The following MYPN variants were observed in gnomAD, a reference collection of about 807,000 sequenced individuals.
MYPN encodes the protein sarcomeric protein myopalladin, 145 kDa (MYOP).
In MYPN, 63 loss-of-function variants were observed where a neutral mutation model predicts 129.4. The ratio of observed to expected loss-of-function variants is 0.49; its 90% CI spans 0.40 to 0.60. MYPN has a LOEUF of 0.60. Among genes scored for constraint, MYPN ranks in the 20% least tolerant of loss-of-function variants. The pLI, the probability that MYPN is intolerant of heterozygous loss-of-function variation, is 0.00. For missense variants in MYPN, 1,596 were observed against 1,635.4 expected (o/e 0.98, Z 0.42); for synonymous variants, 629 against 600.9 (o/e 1.05, Z -0.68).
chr10:68,210,481 G>C lies in MYPN; in HGVS notation c.*26G>C. The stretch of plus-strand genomic sequence containing the variant: ...GAATGTCTAGGTACCTGCTGTGTAA[G>C]AGAGCGGACTGTGGAGGGGGAATGA... On this transcript the variant is annotated 3_prime_UTR_variant, in exon 20 of 20. Transcript: ENST00000358913. The C allele has an allele frequency of 6.2e-7, 1 of 1,613,354 alleles. No individual in the cohort carries two copies. The highest frequency in any genetic ancestry group is 8.5e-7 in the Non-Finnish European group (1 of 1,179,840).
At chr10:68,174,720 G>A in intron 11 of MYPN, 64 bp downstream of exon 11, 2 of 1,442,768 alleles carry the variant, frequency 1.4e-6, no homozygotes, top group East Asian at 4.6e-5. Context: ...ACATTGAATA[G>A]CTTGATCTGA....
At chr10:68,194,816 A>C (rs2043577611) in intron 14 of MYPN, among the ~76,000 whole-genome samples, 1 of 152,226 alleles carries the variant, frequency 6.6e-6, no homozygotes, top group African/African-American at 2.4e-5. Flanking sequence ...TTGAAGAGTC[A>C]ATAAATCATT....
chr10:68,143,970 T>C (rs573048030), intron 3 of MYPN, among the ~76,000 whole-genome samples: 3 of 152,062 alleles, frequency 2.0e-5, no homozygotes, highest in Non-Finnish European at 1.5e-5. Flanking sequence ...GGCCAGGCTG[T>C]TCTTGGACTC....
At chr10:68,148,779 C>G (rs2042714910) in intron 5 of MYPN, among the ~76,000 whole-genome samples, 1 of 152,168 alleles carries the variant, frequency 6.6e-6, no homozygotes, top group African/African-American at 2.4e-5. Flanking sequence ...AACAAACACT[C>G]TATATCATAA....
At chr10:68,166,691 C>T in intron 10 of MYPN, 25 bp downstream of exon 10, 1 of 1,613,174 alleles carries the variant, frequency 6.2e-7, no homozygotes, top group South Asian at 1.1e-5. Context: ...GGATGAATAA[C>T]CAGGAGCTTC....
At chr10:68,148,553 GT>G (rs2042710279) in intron 5 of MYPN, 86 bp downstream of exon 5, 2 of 1,084,314 alleles carry the variant, frequency 1.8e-6, no homozygotes, top group African/African-American at 1.6e-5. Context: ...GCATGATCGT[GT>G]TTTTCTCAGG....
chr10:68,145,870 T>C (rs1387340542), intron 4 of MYPN, among the ~76,000 whole-genome samples: 5 of 152,210 alleles, frequency 3.3e-5, no homozygotes, highest in Non-Finnish European at 7.3e-5. Flanking sequence ...AGTAAATGAC[T>C]CCTCTTTTAC....
chr10:68,200,671 T>C (rs2043694293), intron 17 of MYPN, among the ~76,000 whole-genome samples: 1 of 151,750 alleles, frequency 6.6e-6, no homozygotes, highest in African/African-American at 2.4e-5. Flanking sequence ...GGCAGGAGAA[T>C]CGCTTGAACC....
Position 68,175,181 on chromosome 10 carries a change from C to G in MYPN, c.2565-142C>G, listed in dbSNP as rs954066274. 6 of 906,362 alleles carry G rather than the reference C, an allele frequency of 6.6e-6. No individual in the cohort carries two copies. In the African/African-American group the frequency reaches 1.0e-4, roughly 15 times the overall value. 56.1% of individuals were successfully genotyped at this position (906,362 alleles called of 1,614,324 possible). A position where few individuals can be genotyped will look rare whatever the true frequency, so the allele number is the denominator to read the frequency against. On this transcript the variant is annotated intron_variant, in intron 11 of 19. Coordinates refer to ENST00000358913, the MANE Select transcript of MYPN (RefSeq NM_032578.4). ...GTATCAAAAAGACCTTTACAAATAC[C>G]GATTCTCTGCACAGGGCTTAATTCC...
chr10:68,144,165 C>T lies in MYPN; in HGVS notation c.1078+1050C>T, dbSNP rs139090775. Among the ~76,000 whole-genome samples, 16 of 152,270 alleles carry T rather than the reference C, an allele frequency of 1.1e-4. No homozygotes were observed. In the East Asian group the frequency reaches 3.1e-3, roughly 29 times the overall value. On this transcript the variant is annotated intron_variant, in intron 3 of 19. Transcript: ENST00000358913. Reference sequence around the variant, plus strand: ...ACTGGAAAGGCATTTACATTGGCATCAGGTTTATATGATTAATTTGAGGTG... The same window carrying T: ...ACTGGAAAGGCATTTACATTGGCATTAGGTTTATATGATTAATTTGAGGTG...
intron 3 of MYPN, among the ~76,000 whole-genome samples, chr10:68,145,043 A>T (rs1282431307): frequency 6.2e-5 from 9 of 144,698 alleles, no homozygotes; most frequent in South Asian, 4.3e-4. Flanking sequence ...TTTTTTTTTG[A>T]GACGGAGTTT....
rs777080663 is a variant in MYPN at position 68,143,056 on chromosome 10, C to G, written c.1019C>G (p.Ser340Cys). The part of the protein sequence containing the change: ...EAFEEDTGRY[S>C]CFASNIYGTD... ...TTTGAAGAGGACACAGGACGCTATT[C>G]CTGCTTTGCTTCTAACATCTATGGG... Residue 340 changes from serine (S) to cysteine (C), a missense_variant, in exon 3 of 20, where the codon TCC (serine) becomes TGC (cysteine). By Grantham distance (112) the Ser-to-Cys change is moderately radical. Transcript: ENST00000358913. The G allele has an allele frequency of 4.3e-6, 7 of 1,614,154 alleles. No homozygotes were observed. The highest frequency in any genetic ancestry group is 1.1e-5 in the South Asian group (1 of 91,088).
rs561842255 is a variant in MYPN at position 68,148,911 on chromosome 10, T to G, written c.1245+444T>G. 1.1e-4 allele frequency among the ~76,000 whole-genome samples: 16 copies of G among 152,314 alleles called. No homozygotes were observed. In the East Asian group the frequency reaches 2.7e-3, roughly 26 times the overall value. On this transcript the variant is annotated intron_variant, in intron 5 of 19. Coordinates refer to ENST00000358913, the MANE Select transcript of MYPN (RefSeq NM_032578.4). ...TCAAGTTAATAATAATGATACATGC[T>G]TATTGTAAAAACACTTTAAAAGTAC...
chr10:68,196,110 T>A (rs144863985), intron 15 of MYPN, among the ~76,000 whole-genome samples: 111 of 152,336 alleles, frequency 7.3e-4, no homozygotes, highest in African/African-American at 2.5e-3. Context: ...CAACCTGGCA[T>A]GCTTTTAATG....
At chr10:68,199,953 T>A (rs1681930234) in intron 17 of MYPN, among the ~76,000 whole-genome samples, 1 of 152,196 alleles carries the variant, frequency 6.6e-6, no homozygotes, top group African/African-American at 2.4e-5. Context: ...TCTACCTGAA[T>A]GTCCTTTTCT....
Position 68,197,384 on chromosome 10 carries a change from A to G in MYPN, c.3191A>G (p.Glu1064Gly), listed in dbSNP as rs1479303597. ...TCCCGAGTGCAAGAAAGAGACAAAGAGCCCCTACAGGAACGCTTTTTCCGA... is the reference window on the plus strand; with the variant it reads ...TCCCGAGTGCAAGAAAGAGACAAAGGGCCCCTACAGGAACGCTTTTTCCGA... ...GRSRVQERDKEPLQERFFRPH... is the reference protein window; with the variant it reads ...GRSRVQERDKGPLQERFFRPH... Residue 1064 changes from glutamate to glycine, a missense_variant, in exon 16 of 20, where the codon GAG (glutamate) becomes GGG (glycine). By Grantham distance (98) the Glu-to-Gly change is moderately conservative. Coordinates refer to ENST00000358913, the MANE Select transcript of MYPN (RefSeq NM_032578.4). 6.2e-7 allele frequency: 1 copy of G among 1,613,968 alleles called. No homozygotes were observed. Among genetic ancestry groups the G allele is most frequent in the Non-Finnish European group, 8.5e-7 (1 of 1,179,914 alleles).
chr10:68,161,655 T>C (rs1159228772), intron 7 of MYPN, 74 bp from the exon 8 acceptor site: 15 of 1,200,122 alleles, frequency 1.2e-5, no homozygotes, highest in South Asian at 8.8e-5. Context: ...TGAAATTCTA[T>C]AGGAAGCTTC....
At chr10:68,089,231 C>G (rs1163110179) in intron 1 of MYPN, among the ~76,000 whole-genome samples, 1 of 152,148 alleles carries the variant, frequency 6.6e-6, no homozygotes, top group African/African-American at 2.4e-5. Context: ...AGGGTTTTGC[C>G]ACGTTGGCCA....
chr10:68,188,922 C>A lies in MYPN; in HGVS notation c.2721C>A (p.Ser907Arg), dbSNP rs1205533144. ...TTTGACAGGAGTACAAAATTTCAAG[C>A]TTTGAGCAGAGGCTGATGAATGAAA... ...RPNQQEYKIS[S>R]FEQRLMNEIE... is the part of the protein sequence containing the mutation. The change falls in exon 13 of 20, where the codon AGC becomes AGA. Residue 907 changes from serine (S) to arginine (R), a missense_variant. Ser to Arg is a moderately radical substitution (Grantham distance 110). Transcript: ENST00000358913. 2 of 1,613,790 alleles carry A rather than the reference C, an allele frequency of 1.2e-6. No homozygotes were observed. Among genetic ancestry groups the A allele is most frequent in the Non-Finnish European group, 1.7e-6 (2 of 1,179,946 alleles).
Sources: gnomAD v4.1 joint callset for allele counts (sites outside exome capture counted in the v4.1 genomes callset) on GRCh38, gnomAD v4.1.1 for gene constraint, MANE v1.5 for transcripts, NCBI Gene and HGNC (gene_info 2026-07-23, HGNC 2026-07-21) for gene names.